HDAC9: variants seen among roughly 807,000 people sequenced by gnomAD.
HDAC9 encodes the protein histone deacetylase 9.
A neutral mutation model predicts 139.4 loss-of-function variants in HDAC9; 41 were observed. The ratio of observed to expected loss-of-function variants is 0.29; its 90% CI spans 0.23 to 0.38. HDAC9 has a LOEUF of 0.38. Ranked by LOEUF, HDAC9 falls within the 10% of genes least tolerant of loss-of-function variation. The pLI is 1.00. For synonymous variants in HDAC9, 517 were observed against 476.2 expected, an observed-to-expected ratio of 1.09 and a Z score of -1.12; for missense variants, 1,147 against 1,297.0, an observed-to-expected ratio of 0.88 and a Z score of 1.78.
At chr7:18,163,347 A>G (rs1221909425) in intron 2 of HDAC9, among the ~76,000 whole-genome samples, 2 of 152,192 alleles carry the variant, frequency 1.3e-5, no homozygotes, top group African/African-American at 2.4e-5. Context: ...TTGGCATGTC[A>G]CTAGGTTAGG....
chr7:18,255,462 G>A (rs143086002), intron 2 of HDAC9, among the ~76,000 whole-genome samples: 34 of 152,202 alleles, frequency 2.2e-4, no homozygotes, highest in Middle Eastern at 3.4e-3. Flanking sequence ...AAAGGGAGGA[G>A]CTGTTTGATT....
chr7:18,852,380 A>C (rs1797366199), intron 21 of HDAC9, among the ~76,000 whole-genome samples: 1 of 152,192 alleles, frequency 6.6e-6, no homozygotes, highest in South Asian at 2.1e-4. Flanking sequence ...GGACGATTAG[A>C]GTCAGGCGAG....
rs1467407000 is a variant in HDAC9, at chr7:18,545,601, C to A, written c.23-39680C>A. On this transcript the variant is annotated intron_variant, in intron 2 of 25. Transcript: ENST00000686413. ...AACTGCTGGGCTTGACTTTAAGTTC[C>A]TTGGGAATAGGCATTGTGTATTAGT... Among the ~76,000 whole-genome samples the A allele has an allele frequency of 2.0e-5, 3 of 152,132 alleles. No individual in the cohort carries two copies. In the South Asian group the frequency reaches 6.2e-4, roughly 32 times the overall value.
intron 1 of HDAC9, among the ~76,000 whole-genome samples, chr7:18,299,532 C>T (rs572270851): frequency 3.5e-4 from 53 of 152,182 alleles, no homozygotes; most frequent in African/African-American, 1.1e-3. Flanking sequence ...TGTTTTGGGT[C>T]TGGCTGCCAT....
At chr7:18,532,112 T>C (rs1033653332) in intron 2 of HDAC9, among the ~76,000 whole-genome samples, 2 of 152,056 alleles carry the variant, frequency 1.3e-5, no homozygotes, top group Admixed American at 6.6e-5. Flanking sequence ...TATCTGGGCA[T>C]GGTGGTGCAC....
At chr7:18,465,049 C>T (rs946931364) in intron 1 of HDAC9, among the ~76,000 whole-genome samples, 3 of 151,998 alleles carry the variant, frequency 2.0e-5, no homozygotes, top group African/African-American at 7.2e-5. Context: ...TGTCTTTCAT[C>T]AGTTTTAGTT....
intron 2 of HDAC9, among the ~76,000 whole-genome samples, chr7:18,542,314 A>G (rs1360403064): frequency 6.6e-6 from 1 of 152,174 alleles, no homozygotes; most frequent in East Asian, 1.9e-4. Context: ...TCAAATTACC[A>G]ACTTCTCTAT....
chr7:18,825,032 G>C (rs1200927380), intron 17 of HDAC9, among the ~76,000 whole-genome samples: 1 of 152,224 alleles, frequency 6.6e-6, no homozygotes, highest in Admixed American at 6.5e-5. Context: ...ATCAATCATG[G>C]TACCATTTCT....
Position 18,732,944 on chromosome 7 carries a change from C to T in HDAC9, c.1909+5187C>T, listed in dbSNP as rs1306444. Among the ~76,000 whole-genome samples, 732 of 74,122 alleles carry T rather than the reference C, an allele frequency of 9.9e-3. 71 individuals are homozygous for T. The highest frequency in any genetic ancestry group is 0.02 in the African/African-American group (267 of 13,314). The allele number at this position is 74,122 out of a possible 152,430, so 48.6% of individuals were successfully genotyped here. On this transcript the variant is annotated intron_variant, in intron 13 of 25. Coordinates refer to ENST00000686413, the MANE Select transcript of HDAC9 (RefSeq NM_178425.4). ...ACACACGTGTGTATGTATGTGTATACACACGTGTATGTGTGTGTATGTGTA... is the reference window on the plus strand; with the variant it reads ...ACACACGTGTGTATGTATGTGTATATACACGTGTATGTGTGTGTATGTGTA...
chr7:18,451,391 GTGTGTGTGTGTA>G (rs776935023), intron 1 of HDAC9, among the ~76,000 whole-genome samples: 4,160 of 142,468 alleles, frequency 0.029, 48 homozygotes, highest in South Asian at 0.04. Flanking sequence ...GTGTGTGTGT[GTGTGTGTGTGTA>G]TATATGTGTG....
intron 2 of HDAC9, among the ~76,000 whole-genome samples, chr7:18,265,697 C>T (rs182797075): frequency 1.6e-4 from 24 of 151,748 alleles, no homozygotes; most frequent in African/African-American, 2.7e-4. Context: ...AACATATTTT[C>T]GAAAAAAATT....
chr7:18,402,073 G>C (rs963309626), intron 1 of HDAC9, among the ~76,000 whole-genome samples: 1 of 152,058 alleles, frequency 6.6e-6, no homozygotes, highest in Non-Finnish European at 1.5e-5. Flanking sequence ...ACCTTTTTGA[G>C]AAAGGAAACA....
chr7:18,748,979 T>A (rs777970755), intron 13 of HDAC9, 26 bp from the exon 14 acceptor site: 2 of 1,609,062 alleles, frequency 1.2e-6, no homozygotes, highest in South Asian at 2.2e-5. Context: ...TACTCAATCT[T>A]GTCCTGTATT....
At chr7:18,402,011 T>A (rs1048908826) in intron 1 of HDAC9, among the ~76,000 whole-genome samples, 1 of 152,246 alleles carries the variant, frequency 6.6e-6, no homozygotes, top group Admixed American at 6.5e-5. Flanking sequence ...ATGACTGTTT[T>A]TATACTTGTT....
intron 1 of HDAC9, among the ~76,000 whole-genome samples, chr7:18,098,920 G>C (rs760161731): frequency 2.6e-5 from 4 of 152,040 alleles, no homozygotes; most frequent in Non-Finnish European, 5.9e-5. Flanking sequence ...GTACTGCTTT[G>C]TTATCTTCTT....
chr7:18,998,516 A>T lies in HDAC9; in HGVS notation c.*2454A>T, dbSNP rs1000400007. ...AGGATTATCCACAGCATGTAGTTGT[A>T]AGAACAGAATGCCATTGCTTTTTGA... is the stretch of plus-strand genomic sequence containing the variant. On this transcript the variant is annotated 3_prime_UTR_variant, in exon 26 of 26. Transcript: ENST00000686413. 3.3e-5 allele frequency: 5 copies of T among 152,254 alleles called. No homozygotes were observed. Among genetic ancestry groups the T allele is most frequent in the Non-Finnish European group, 7.3e-5 (5 of 68,052 alleles). 9.4% of individuals were successfully genotyped at this position (152,254 alleles called of 1,614,324 possible).
chr7:18,899,865 G>A (rs1801540908), intron 22 of HDAC9, among the ~76,000 whole-genome samples: 1 of 152,052 alleles, frequency 6.6e-6, no homozygotes. Context: ...TATCTTCAGT[G>A]TGGAAATACT....
At chr7:18,540,190 T>C (rs559895339) in intron 2 of HDAC9, among the ~76,000 whole-genome samples, 131 of 150,370 alleles carry the variant, frequency 8.7e-4, no homozygotes, top group African/African-American at 3.1e-3. Context: ...GGAGAATCAC[T>C]TGAACCCGGG....
At chr7:18,919,325 G>C (rs900030719) in intron 22 of HDAC9, among the ~76,000 whole-genome samples, 1 of 151,942 alleles carries the variant, frequency 6.6e-6, no homozygotes, top group Non-Finnish European at 1.5e-5. Context: ...TAACCAGTTT[G>C]GTGTTAAATG....
Sources: gnomAD v4.1 joint callset for allele counts (sites outside exome capture counted in the v4.1 genomes callset) on GRCh38, gnomAD v4.1.1 for gene constraint, MANE v1.5 for transcripts, NCBI Gene and HGNC (gene_info 2026-07-23, HGNC 2026-07-21) for gene names.